The following PALS2 variants were observed in gnomAD, a reference collection of about 807,000 sequenced individuals.
PALS2 encodes protein associated with LIN7 2, MAGUK p55 family member, also known as protein PALS2.
In PALS2, 27 loss-of-function variants were observed where a neutral mutation model predicts 61.6. The ratio of observed to expected loss-of-function variants is 0.44; its 90% CI spans 0.32 to 0.60. The LOEUF (loss-of-function observed/expected upper bound fraction) is 0.60, where lower values mean the gene tolerates loss of function less well. PALS2 is among the 20% of genes least tolerant of loss of function. The pLI is 0.05. For synonymous variants in PALS2, 236 were observed against 218.6 expected (o/e 1.08, Z -0.70); for missense variants, 554 against 639.4 (o/e 0.87, Z 1.44).
At chr7:24,586,823 T>A (rs1462308443) in intron 1 of PALS2, among the ~76,000 whole-genome samples, 4 of 152,104 alleles carry the variant, frequency 2.6e-5, no homozygotes, top group Non-Finnish European at 5.9e-5. Context: ...AAGACAGTGG[T>A]GGCAGAGGGA....
intron 9 of PALS2, among the ~76,000 whole-genome samples, chr7:24,673,612 C>T (rs1241042683): frequency 6.6e-6 from 1 of 152,000 alleles, no homozygotes; most frequent in Admixed American, 6.6e-5. Context: ...AAATCAGTTT[C>T]AGGATTTCTG....
chr7:24,668,155 C>CA (rs200570573), intron 8 of PALS2, among the ~76,000 whole-genome samples: 69 of 143,582 alleles, frequency 4.8e-4, no homozygotes, highest in African/African-American at 6.6e-4. Flanking sequence ...CCCATCTCTA[C>CA]AAAAAAAAAA....
intron 3 of PALS2, among the ~76,000 whole-genome samples, chr7:24,645,194 G>T (rs1158687238): frequency 6.6e-6 from 1 of 152,128 alleles, no homozygotes; most frequent in Non-Finnish European, 1.5e-5. Flanking sequence ...TCTTTGTTGT[G>T]AAATCTTTGA....
chr7:24,648,051 G>C (rs765512283), intron 3 of PALS2, among the ~76,000 whole-genome samples: 10 of 152,128 alleles, frequency 6.6e-5, no homozygotes, highest in Non-Finnish European at 7.3e-5. Flanking sequence ...TTTATAGGAA[G>C]AATCCTTACA....
At chr7:24,685,623 G>C (rs912275317) in intron 11 of PALS2, among the ~76,000 whole-genome samples, 1 of 149,598 alleles carries the variant, frequency 6.7e-6, no homozygotes, top group Non-Finnish European at 1.5e-5. Context: ...CATCTGTATG[G>C]CATACTCCGT....
intron 1 of PALS2, among the ~76,000 whole-genome samples, chr7:24,587,583 C>T (rs1783121014): frequency 6.6e-6 from 1 of 151,126 alleles, no homozygotes; most frequent in Admixed American, 6.6e-5. Context: ...ACTGTGTTGC[C>T]CAGCCTGGTC....
rs1260342300 is a variant in PALS2 at position 24,625,756 on chromosome 7, T to C, written c.117+1972T>C. Among the ~76,000 whole-genome samples the C allele has an allele frequency of 3.3e-5, 5 of 152,172 alleles. No homozygotes were observed. The East Asian group carries it at 9.6e-4, about 29-fold the overall frequency. The stretch of plus-strand genomic sequence containing the variant: ...GAGCAGGTAAGGTGCTACTGTACTC[T>C]TTTGATGATAAAAATGAAATAAAGC... On this transcript the variant is annotated intron_variant, in intron 2 of 11. Transcript: ENST00000222644.
intron 9 of PALS2, among the ~76,000 whole-genome samples, chr7:24,677,859 G>T (rs977540198): frequency 6.6e-6 from 1 of 152,132 alleles, no homozygotes; most frequent in Non-Finnish European, 1.5e-5. Flanking sequence ...GGGGAAAACA[G>T]GAGTCCTATT....
intron 1 of PALS2, among the ~76,000 whole-genome samples, chr7:24,623,183 G>A (rs1312371630): frequency 1.3e-5 from 2 of 149,474 alleles, no homozygotes; most frequent in African/African-American, 4.9e-5. Context: ...GAGTTGGAAG[G>A]TGTTTCCTTC....
intron 1 of PALS2, among the ~76,000 whole-genome samples, chr7:24,575,998 T>C (rs1045555655): frequency 5.3e-5 from 8 of 152,102 alleles, no homozygotes; most frequent in African/African-American, 1.7e-4. Flanking sequence ...TTCAGGTAAG[T>C]ATAGTTAACC....
rs568575303 is a variant in PALS2 at position 24,573,569 on chromosome 7, G to T, written c.-27G>T. ...GACCGGGAGCGGCGGCAGCGGCGGCGCGGAGGCGGCTGAGGTGCGAGCCGG... is the reference window on the plus strand; with the variant it reads ...GACCGGGAGCGGCGGCAGCGGCGGCTCGGAGGCGGCTGAGGTGCGAGCCGG... On this transcript the variant is annotated 5_prime_UTR_variant, in exon 1 of 12. Coordinates refer to ENST00000222644, the MANE Select transcript of PALS2 (RefSeq NM_001303037.2). This position sits in a 1 kb window ranked among gnomAD's most constrained non-coding sequence, Gnocchi z 5.3. 5 of 385,390 alleles carry T rather than the reference G, an allele frequency of 1.3e-5. No individual in the cohort carries two copies. In the South Asian group the frequency reaches 5.1e-4, roughly 40 times the overall value. The allele number at this position is 385,390 out of a possible 1,614,324, so 23.9% of individuals were successfully genotyped here.
At chr7:24,682,398 C>T (rs1172793333) in intron 11 of PALS2, among the ~76,000 whole-genome samples, 4 of 152,188 alleles carry the variant, frequency 2.6e-5, no homozygotes, top group Non-Finnish European at 5.9e-5. Context: ...CTGTGCTGCT[C>T]TTCCCCTCTG....
chr7:24,606,982 T>C (rs968904569), intron 1 of PALS2, among the ~76,000 whole-genome samples: 3 of 152,186 alleles, frequency 2.0e-5, no homozygotes, highest in Non-Finnish European at 2.9e-5. Context: ...AAGTTTTGAC[T>C]ATGACCTGTC....
chr7:24,618,470 T>G lies in PALS2; in HGVS notation c.-2-5196T>G, dbSNP rs1422195998. ...AGAAATGGTTCTGGTCTCAAGGTGA[T>G]CGGTGACATGCTGCAGCAGCTTGGC... is the stretch of plus-strand genomic sequence containing the variant. On this transcript the variant is annotated intron_variant, in intron 1 of 11. Transcript: ENST00000222644. The surrounding 1 kb of genome is among the most constrained non-coding windows in gnomAD (Gnocchi z 5.1). 6.6e-6 allele frequency among the ~76,000 whole-genome samples: 1 copy of G among 152,164 alleles called. No individual in the cohort carries two copies. Among genetic ancestry groups the G allele is most frequent in the African/African-American group, 2.4e-5 (1 of 41,438 alleles).
Position 24,649,605 on chromosome 7 carries a change from C to G in PALS2, c.271-7C>G, listed in dbSNP as rs200018385. 7.3e-5 allele frequency: 116 copies of G among 1,584,424 alleles called. 1 individual carries two copies. Among genetic ancestry groups the G allele is most frequent in the South Asian group, 3.4e-4 (29 of 84,988 alleles). On this transcript the variant is annotated splice_region_variant and splice_polypyrimidine_tract_variant and intron_variant, in intron 3 of 11. Coordinates refer to ENST00000222644, the MANE Select transcript of PALS2 (RefSeq NM_001303037.2). ...AAATAACCACAGGCTATTTTGACTC[C>G]TTATAGTCACTGTTGGAGGCCCATG...
chr7:24,672,369 A>G (rs1787342517), intron 9 of PALS2, among the ~76,000 whole-genome samples: 1 of 151,854 alleles, frequency 6.6e-6, no homozygotes, highest in South Asian at 2.1e-4. Context: ...CTGGGATTAC[A>G]GGCACCCACC....
At chr7:24,582,270 T>A (rs1016516678) in intron 1 of PALS2, among the ~76,000 whole-genome samples, 2 of 152,230 alleles carry the variant, frequency 1.3e-5, no homozygotes, top group African/African-American at 4.8e-5. Context: ...CAGCATATGA[T>A]GCATATAAAG....
intron 1 of PALS2, among the ~76,000 whole-genome samples, chr7:24,584,075 G>T (rs1270260141): frequency 2.9e-4 from 42 of 145,968 alleles, no homozygotes; most frequent in African/African-American, 9.0e-4. Flanking sequence ...TGGACATTTG[G>T]GTTGGTTCCA....
chr7:24,646,917 G>C (rs1785862033), intron 3 of PALS2, among the ~76,000 whole-genome samples: 1 of 151,958 alleles, frequency 6.6e-6, no homozygotes, highest in African/African-American at 2.4e-5. Flanking sequence ...TCTCTTCTAG[G>C]TTTTCTGGTT....
Sources: gnomAD v4.1 joint callset for allele counts (sites outside exome capture counted in the v4.1 genomes callset) on GRCh38, gnomAD v4.1.1 for gene constraint, Gnocchi (gnomAD v3.1) non-coding constraint, MANE v1.5 for transcripts, NCBI Gene and HGNC (gene_info 2026-07-23, HGNC 2026-07-21) for gene names.